Variants in PRUNE2 observed in about 807,000 individuals in gnomAD.
PRUNE2 encodes the protein protein prune homolog 2.
In PRUNE2, 164 loss-of-function variants were observed where a neutral mutation model predicts 252.0. That is an observed-to-expected ratio of 0.65 (90% confidence interval 0.57 to 0.74). The LOEUF is 0.74. Among genes scored for constraint, PRUNE2 ranks in the 30% least tolerant of loss-of-function variants. The pLI, the probability that PRUNE2 is intolerant of heterozygous loss-of-function variation, is 0.00. For synonymous variants in PRUNE2, 1,292 were observed against 1,350.2 expected (o/e 0.96, Z 0.94); for missense variants, 3,495 against 3,711.0 (o/e 0.94, Z 1.51).
intron 9 of PRUNE2, among the ~76,000 whole-genome samples, chr9:76,679,835 T>TCA (rs2043227444): frequency 6.6e-6 from 1 of 152,162 alleles, no homozygotes; most frequent in Non-Finnish European, 1.5e-5. Flanking sequence ...AGTTGGACCC[T>TCA]CACCTTATGC....
At chr9:76,674,061 G>C (rs1068123) in intron 9 of PRUNE2, among the ~76,000 whole-genome samples, 7 of 151,242 alleles carry the variant, frequency 4.6e-5, no homozygotes, top group South Asian at 2.1e-4. Flanking sequence ...CCAGGGCAAT[G>C]AGGCAGGAGA....
At chr9:76,838,273 T>G (rs1318755830) in intron 4 of PRUNE2, among the ~76,000 whole-genome samples, 1 of 151,990 alleles carries the variant, frequency 6.6e-6, no homozygotes, top group Non-Finnish European at 1.5e-5. Context: ...GACAAGTAGA[T>G]TCTCCATTTA....
intron 9 of PRUNE2, among the ~76,000 whole-genome samples, chr9:76,685,668 G>A (rs1281490415): frequency 6.6e-6 from 1 of 152,208 alleles, no homozygotes; most frequent in African/African-American, 2.4e-5. Context: ...TAAGGAGAGA[G>A]AGGCCTCAGA....
At chr9:76,702,061 C>T (rs1178550117) in intron 9 of PRUNE2, among the ~76,000 whole-genome samples, 1 of 150,054 alleles carries the variant, frequency 6.7e-6, no homozygotes, top group Non-Finnish European at 1.5e-5. Flanking sequence ...TATCTTTTCT[C>T]GCTTTTTTTT....
chr9:76,677,177 C>A (rs887295615), intron 9 of PRUNE2, among the ~76,000 whole-genome samples: 2 of 152,160 alleles, frequency 1.3e-5, no homozygotes, highest in Non-Finnish European at 2.9e-5. Flanking sequence ...TCAATAGTTT[C>A]TCTTTTGCAA....
At position 76,710,210 on chromosome 9, in the gene PRUNE2, C is replaced by T; in HGVS notation, c.2064G>A (p.Glu688=). 2.5e-6 allele frequency: 4 copies of T among 1,613,898 alleles called. No individual in the cohort carries two copies. Among genetic ancestry groups the T allele is most frequent in the Non-Finnish European group, 3.4e-6 (4 of 1,179,834 alleles). Residue 688 remains glutamate (E), a synonymous_variant, in exon 8 of 19, where the codon GAG becomes GAA. Coordinates refer to ENST00000376718, the MANE Select transcript of PRUNE2 (RefSeq NM_015225.3). ...TCCTATCAATGGAGCTTGGCTTATG[C>T]TCTTTCCATGATTCAGGGCTCTGGA... ...SVFQSPESWK[E]HKPSSIDRRA...
At chr9:76,644,277 C>A (rs1332319713) in intron 12 of PRUNE2, among the ~76,000 whole-genome samples, 2 of 151,898 alleles carry the variant, frequency 1.3e-5, no homozygotes, top group African/African-American at 4.8e-5. Context: ...TTAGGGGAAA[C>A]AATTACCAGG....
intron 5 of PRUNE2, among the ~76,000 whole-genome samples, chr9:76,825,942 C>T (rs1293182726): frequency 6.6e-6 from 1 of 152,146 alleles, no homozygotes; most frequent in Non-Finnish European, 1.5e-5. Context: ...TATGAAATCC[C>T]ATTGTGCTTG....
At position 76,890,570 on chromosome 9, in the gene PRUNE2, G is replaced by A. The variant is rs932749527; in HGVS notation, c.36+15358C>T. Among the ~76,000 whole-genome samples, 4 of 152,174 alleles carry A rather than the reference G, an allele frequency of 2.6e-5. No homozygotes were observed. In the South Asian group the frequency reaches 8.3e-4, roughly 31 times the overall value. On this transcript the variant is annotated intron_variant, in intron 1 of 18. Coordinates refer to ENST00000376718, the MANE Select transcript of PRUNE2 (RefSeq NM_015225.3). Reference sequence around the variant, plus strand: ...CCACAGCATGCTAATTATTTAGCAGGTGTGCACGATTTAACAACTATGCAG... The same window carrying A: ...CCACAGCATGCTAATTATTTAGCAGATGTGCACGATTTAACAACTATGCAG...
intron 15 of PRUNE2, among the ~76,000 whole-genome samples, chr9:76,634,298 A>G (rs1270274558): frequency 6.6e-6 from 1 of 152,214 alleles, no homozygotes. Context: ...GTAGTGTTGA[A>G]TTATAATAAT....
At chr9:76,867,853 G>A (rs1173929333) in intron 1 of PRUNE2, among the ~76,000 whole-genome samples, 1 of 152,196 alleles carries the variant, frequency 6.6e-6, no homozygotes, top group African/African-American at 2.4e-5. Flanking sequence ...TTACAGGTGT[G>A]AGCCACTGCG....
At chr9:76,688,952 A>C (rs566368291) in intron 9 of PRUNE2, among the ~76,000 whole-genome samples, 8 of 152,004 alleles carry the variant, frequency 5.3e-5, no homozygotes, top group Admixed American at 2.6e-4. Flanking sequence ...CCTTCTCCCA[A>C]CCTATTGAAA....
intron 6 of PRUNE2, among the ~76,000 whole-genome samples, chr9:76,801,235 T>G (rs889723699): frequency 1.8e-4 from 27 of 152,330 alleles, no homozygotes; most frequent in African/African-American, 6.5e-4. Context: ...ATTCACTGCA[T>G]GCAATTTAAA....
chr9:76,763,282 G>A lies in PRUNE2; in HGVS notation c.757-49561C>T, dbSNP rs150823997. Among the ~76,000 whole-genome samples the A allele has an allele frequency of 1.7e-4, 26 of 152,316 alleles. No homozygotes were observed. The East Asian group carries it at 4.8e-3, about 28-fold the overall frequency. Reference sequence around the variant, plus strand: ...ATGGGATCATAGCAGGACTACTGGTGTCACAGAGTTACGTGAGGTTTAAAT... The same window carrying A: ...ATGGGATCATAGCAGGACTACTGGTATCACAGAGTTACGTGAGGTTTAAAT... On this transcript the variant is annotated intron_variant, in intron 6 of 18. Transcript: ENST00000376718.
intron 18 of PRUNE2, 84 bp from the exon 19 acceptor site, chr9:76,614,684 T>C: frequency 9.7e-7 from 1 of 1,030,370 alleles, no homozygotes; most frequent in Non-Finnish European, 1.5e-6. Context: ...CTGTGTTTGC[T>C]TTTTTCCTCA....
intron 1 of PRUNE2, among the ~76,000 whole-genome samples, chr9:76,859,451 C>G (rs1276913569): frequency 1.3e-5 from 2 of 152,126 alleles, no homozygotes; most frequent in Non-Finnish European, 1.5e-5. Flanking sequence ...TAGGCCCCTC[C>G]ATTTGCTCTT....
chr9:76,694,090 G>A (rs904948205), intron 9 of PRUNE2, among the ~76,000 whole-genome samples: 2 of 152,198 alleles, frequency 1.3e-5, no homozygotes, highest in African/African-American at 4.8e-5. Context: ...TGGCTCATTA[G>A]AAGGGGCTTC....
At chr9:76,727,271 A>C (rs1275592688) in intron 6 of PRUNE2, among the ~76,000 whole-genome samples, 1 of 152,206 alleles carries the variant, frequency 6.6e-6, no homozygotes, top group African/African-American at 2.4e-5. Context: ...GAGCTTACAA[A>C]ATAATTCAAG....
At position 76,708,746 on chromosome 9, in the gene PRUNE2, G is replaced by A. The variant is rs185679664; in HGVS notation, c.3528C>T (p.Gly1176=). ...RFTVRQLEPW[G]LEYQEANQVD... is the part of the protein sequence containing the mutation. ...CCTGATTTGCTTCCTGATACTCCAA[G>A]CCCCAGGGTTCCAGCTGTCTCACTG... Residue 1176 remains glycine (G), a synonymous_variant, in exon 8 of 19, where the codon GGC becomes GGT. Coordinates refer to ENST00000376718, the MANE Select transcript of PRUNE2 (RefSeq NM_015225.3). 2.5e-6 allele frequency: 4 copies of A among 1,613,960 alleles called. No individual in the cohort carries two copies. The East Asian group carries it at 8.9e-5, about 36-fold the overall frequency.
Sources: gnomAD v4.1 joint callset for allele counts (sites outside exome capture counted in the v4.1 genomes callset) on GRCh38, gnomAD v4.1.1 for gene constraint, MANE v1.5 for transcripts, NCBI Gene and HGNC (gene_info 2026-07-23, HGNC 2026-07-21) for gene names.